Variants in TMEM14B observed in about 807,000 individuals in gnomAD.
TMEM14B encodes transmembrane protein 14B.
A neutral mutation model predicts 14.8 loss-of-function variants in TMEM14B; 9 were observed. The observed-to-expected ratio is 0.61, with a 90% CI of 0.37 to 1.06. The LOEUF is 1.06. Among genes scored for constraint, TMEM14B ranks in the 50% least tolerant of loss-of-function variants. TMEM14B has a pLI of 0.01. For synonymous variants in TMEM14B, 40 were observed against 51.3 expected, an observed-to-expected ratio of 0.78 and a Z score of 0.94; for missense variants, 128 against 143.6, an observed-to-expected ratio of 0.89 and a Z score of 0.56.
intron 3 of TMEM14B, 151 bp from the exon 4 acceptor site, chr6:10,750,982 T>C (rs376701110): frequency 1.8e-5 from 15 of 830,526 alleles, no homozygotes; most frequent in African/African-American, 5.2e-5. Flanking sequence ...TAGCACACTC[T>C]CCTTAACGCC....
In TMEM14B at chr6:10,756,747, T is replaced by C. The variant is rs1256257504; in HGVS notation, c.*229T>C. On this transcript the variant is annotated 3_prime_UTR_variant, in exon 6 of 6. Coordinates refer to ENST00000379542, the MANE Select transcript of TMEM14B (RefSeq NM_030969.5). ...TTATTGAGACCATCATAGAGATCGA[T>C]TCTTGTATATTGATTTTATCTCTTT... 1 of 1,174,146 alleles carries C rather than the reference T, an allele frequency of 8.5e-7. No individual in the cohort carries two copies. The highest frequency in any genetic ancestry group is 2.8e-5 in the South Asian group (1 of 36,352). 72.7% of individuals were successfully genotyped at this position (1,174,146 alleles called of 1,614,324 possible). A position where few individuals can be genotyped will look rare whatever the true frequency, so the allele number is the denominator to read the frequency against.
downstream of TMEM14B, chr6:10,759,022 G>A (rs748233416): frequency 1.1e-3 from 207 of 196,718 alleles, 1 homozygote; most frequent in Non-Finnish European, 1.2e-3. Flanking sequence ...AGGTTCAAGC[G>A]ATTCTCCTGC....
rs527428434 is a variant in TMEM14B, at chr6:10,751,254, T to C, written c.202+20T>C. On this transcript the variant is annotated intron_variant, in intron 4 of 5. Transcript: ENST00000379542. ...TCCTAGGTATGTCTGCTTCAGCGTC[T>C]CCTTAGGGCAATCATGTATCTGGAA... 6.2e-7 allele frequency: 1 copy of C among 1,612,832 alleles called. No individual in the cohort carries two copies. The highest frequency in any genetic ancestry group is 1.1e-5 in the South Asian group (1 of 91,058).
At chr6:10,749,845 C>A in intron 3 of TMEM14B, 147 bp downstream of exon 3, 1 of 892,696 alleles carries the variant, frequency 1.1e-6, no homozygotes, top group Non-Finnish European at 1.8e-6. Context: ...GTCAGTCTTG[C>A]AGCTCCTGCC....
intron 5 of TMEM14B, chr6:10,755,664 G>T: frequency 1.8e-6 from 2 of 1,091,734 alleles, no homozygotes; most frequent in Non-Finnish European, 2.2e-6. Context: ...TTTAAAAAAT[G>T]TAGTTGTAGG....
downstream of TMEM14B, among the ~76,000 whole-genome samples, chr6:10,757,800 G>C (rs943939917): frequency 2.6e-5 from 4 of 152,098 alleles, no homozygotes; most frequent in African/African-American, 9.7e-5. Flanking sequence ...AGACCAGCCT[G>C]GCCAACATGG....
In TMEM14B at chr6:10,752,859, G is replaced by A. The variant is rs150755347; in HGVS notation, c.202+1625G>A. The A allele has an allele frequency of 6.5e-3, 991 of 152,224 alleles. 7 individuals are homozygous for A. The highest frequency in any genetic ancestry group is 0.01 in the Non-Finnish European group (684 of 68,080). 9.4% of individuals were successfully genotyped at this position (152,224 alleles called of 1,614,324 possible). On this transcript the variant is annotated intron_variant, in intron 4 of 5. Coordinates refer to ENST00000379542, the MANE Select transcript of TMEM14B (RefSeq NM_030969.5). ...TCCCATCCAAGTACCATGCAGGACC[G>A]GACCGACCCTGCTTTGCTTCTGGGA...
intron 4 of TMEM14B, chr6:10,753,036 G>A (rs1771653668): frequency 6.6e-6 from 1 of 152,032 alleles, no homozygotes; most frequent in Non-Finnish European, 1.5e-5. Context: ...GGGAGTTGGA[G>A]ACCAGTCTGA....
downstream of TMEM14B, among the ~76,000 whole-genome samples, chr6:10,758,582 T>G (rs183071428): frequency 6.6e-6 from 1 of 152,310 alleles, no homozygotes; most frequent in Non-Finnish European, 1.5e-5. Context: ...TTCTGGAGTC[T>G]GGTGGAGGAG....
chr6:10,756,401 C>T, intron 5 of TMEM14B, 66 bp from the exon 6 acceptor site: 1 of 1,582,826 alleles, frequency 6.3e-7, no homozygotes, highest in Non-Finnish European at 8.6e-7. Context: ...GAGTTTAGTT[C>T]CTTAAAAACA....
At chr6:10,748,878 G>A (rs762502762) in intron 1 of TMEM14B, among the ~76,000 whole-genome samples, 6 of 152,194 alleles carry the variant, frequency 3.9e-5, no homozygotes, top group Admixed American at 2.0e-4. Context: ...TTTGCTTTCC[G>A]ATTTAGTGAT....
intron 3 of TMEM14B, among the ~76,000 whole-genome samples, chr6:10,750,458 AACAATTTT>A (rs1029159256): frequency 2.6e-5 from 4 of 151,286 alleles, no homozygotes; most frequent in African/African-American, 7.3e-5. Context: ...GTCTAGTTAA[AACAATTTT>A]ACTGAAGTAA....
downstream of TMEM14B, chr6:10,756,988 A>G (rs550950956): frequency 4.4e-4 from 433 of 982,680 alleles, no homozygotes; most frequent in Non-Finnish European, 5.0e-4. Context: ...AATATTTCCT[A>G]TGGTGTCTTC....
chr6:10,747,961 C>T (rs1298368582), intron 1 of TMEM14B, 80 bp downstream of exon 1: 1 of 152,332 alleles, frequency 6.6e-6, no homozygotes, highest in East Asian at 1.9e-4. Flanking sequence ...AGTTTCACGG[C>T]CGTCTGCTTT....
At chr6:10,757,953 T>C (rs554347220), downstream of TMEM14B, among the ~76,000 whole-genome samples, 1 of 150,714 alleles carries the variant, frequency 6.6e-6, no homozygotes, top group Non-Finnish European at 1.5e-5. Context: ...ATCACGCCAC[T>C]GCACTCCAAC....
intron 3 of TMEM14B, chr6:10,749,972 C>T (rs1218832851): frequency 2.0e-6 from 1 of 491,630 alleles, no homozygotes; most frequent in African/African-American, 1.9e-5. Flanking sequence ...CATTGACTGC[C>T]ATTCATCAGC....
chr6:10,752,610 C>A (rs1490622643), intron 4 of TMEM14B, among the ~76,000 whole-genome samples: 2 of 152,064 alleles, frequency 1.3e-5, no homozygotes, highest in Admixed American at 1.3e-4. Flanking sequence ...GTGTCTCCCA[C>A]CATGTCAGGC....
chr6:10,749,941 G>T, intron 3 of TMEM14B: 1 of 564,420 alleles, frequency 1.8e-6, no homozygotes, highest in Non-Finnish European at 3.2e-6. Context: ...GTAGGCAGGG[G>T]TGGTTGTAGT....
rs935170834 is a variant in TMEM14B at position 10,749,872 on chromosome 6, C to A, written c.100+174C>A. 1.8e-5 allele frequency: 13 copies of A among 738,670 alleles called. No homozygotes were observed. In the African/African-American group the frequency reaches 2.3e-4, roughly 13 times the overall value. 45.8% of individuals were successfully genotyped at this position (738,670 alleles called of 1,614,324 possible). ...GCTCCTGCCCTTGCCTTTTGCTTAT[C>A]TGGTGAAGCTGAGCCAGGCCTCTTG... On this transcript the variant is annotated intron_variant, in intron 3 of 5. Coordinates refer to ENST00000379542, the MANE Select transcript of TMEM14B (RefSeq NM_030969.5).
Sources: gnomAD v4.1 joint callset for allele counts (sites outside exome capture counted in the v4.1 genomes callset) on GRCh38, gnomAD v4.1.1 for gene constraint, MANE v1.5 for transcripts, NCBI Gene and HGNC (gene_info 2026-07-23, HGNC 2026-07-21) for gene names.